Variants in CLMP observed in about 807,000 individuals in gnomAD.
The protein encoded by CLMP is CXADR-like membrane protein.
CLMP carries 27 observed loss-of-function variants against 45.2 expected under a neutral mutation model. That is an observed-to-expected ratio of 0.60 (90% CI 0.44 to 0.82). The LOEUF (loss-of-function observed/expected upper bound fraction) is 0.82, where lower values mean the gene tolerates loss of function less well. Ranked by LOEUF, CLMP falls within the 40% of genes least tolerant of loss-of-function variation. The probability of loss-of-function intolerance (pLI) is 0.00; values close to 1 mark genes in which losing one functional copy is unlikely to be tolerated. For missense variants in CLMP, 403 were observed against 448.4 expected (o/e 0.90, Z 0.91); for synonymous variants, 167 against 171.4 (o/e 0.97, Z 0.20).
At chr11:123,183,884 G>A (rs899361660) in intron 1 of CLMP, among the ~76,000 whole-genome samples, 9 of 152,114 alleles carry the variant, frequency 5.9e-5, no homozygotes, top group Admixed American at 5.2e-4. Context: ...CTGGTCATGT[G>A]GGGCAGTAGG....
At chr11:123,164,553 C>T (rs1861532191) in intron 1 of CLMP, among the ~76,000 whole-genome samples, 2 of 151,964 alleles carry the variant, frequency 1.3e-5, no homozygotes, top group Non-Finnish European at 2.9e-5. Context: ...ATTGACCCAT[C>T]TCGGCCTCCC....
chr11:123,102,468 A>G (rs1490745470), intron 1 of CLMP, among the ~76,000 whole-genome samples: 2 of 150,654 alleles, frequency 1.3e-5, no homozygotes, highest in African/African-American at 2.4e-5. Flanking sequence ...TTTAGTAGAG[A>G]CAGGGTTTCA....
intron 1 of CLMP, among the ~76,000 whole-genome samples, chr11:123,194,704 A>G (rs61904439): frequency 6.6e-6 from 1 of 152,178 alleles, no homozygotes; most frequent in East Asian, 1.9e-4. Flanking sequence ...AAGCCTGTTC[A>G]AGGGCCCAGA....
chr11:123,099,694 G>A (rs897864827), intron 1 of CLMP, among the ~76,000 whole-genome samples: 1 of 152,110 alleles, frequency 6.6e-6, no homozygotes, highest in Non-Finnish European at 1.5e-5. Context: ...GAGAGGCGGT[G>A]GGGGGCAGAT....
intron 1 of CLMP, among the ~76,000 whole-genome samples, chr11:123,150,480 A>AAAGAAAGAAAGAAAGAAAGGAAGGAAGG (rs764502298): frequency 2.4e-5 from 1 of 40,974 alleles, no homozygotes; most frequent in Non-Finnish European, 4.7e-5. Context: ...AGAAAGAAAG[A>AAAGAAAGAAAGAAAGAAAGGAAGGAAGG]AAGGAAGGAA....
chr11:123,153,201 A>G (rs1861366429), intron 1 of CLMP, among the ~76,000 whole-genome samples: 1 of 152,212 alleles, frequency 6.6e-6, no homozygotes, highest in Admixed American at 6.5e-5. Flanking sequence ...CAAGCTTGCC[A>G]GTCATCTGGA....
chr11:123,131,976 T>C (rs1485505779), intron 1 of CLMP, among the ~76,000 whole-genome samples: 1 of 152,236 alleles, frequency 6.6e-6, no homozygotes, highest in Non-Finnish European at 1.5e-5. Context: ...TCTTTTCACA[T>C]GGCTCTCATA....
intron 1 of CLMP, among the ~76,000 whole-genome samples, chr11:123,155,460 AC>A (rs1225580989): frequency 2.0e-5 from 3 of 151,544 alleles, no homozygotes; most frequent in Non-Finnish European, 4.4e-5. Context: ...GCTAGTTGCG[AC>A]ACAGTAAATT....
intron 1 of CLMP, among the ~76,000 whole-genome samples, chr11:123,150,479 G>GAAAGAAAGAAAGAAAGAAAGAAAGAA (rs1555084536): frequency 6.8e-4 from 72 of 106,592 alleles, no homozygotes; most frequent in Middle Eastern, 4.5e-3. Flanking sequence ...AAGAAAGAAA[G>GAAAGAAAGAAAGAAAGAAAGAAAGAA]AAAGGAAGGA....
At chr11:123,155,379 G>A (rs978865237) in intron 1 of CLMP, among the ~76,000 whole-genome samples, 1 of 152,254 alleles carries the variant, frequency 6.6e-6, no homozygotes, top group African/African-American at 2.4e-5. Context: ...GGCAAGTGCT[G>A]AAGGTGGGAA....
rs148137821 is a variant in CLMP at position 123,088,904 on chromosome 11, G to A, written c.187-4191C>T. ...TTCCCAAAGTGCTGGGATTCCAGGC[G>A]TGAGCCATGGCGCCCAGCTGCTTGT... On this transcript the variant is annotated intron_variant, in intron 2 of 6. Transcript: ENST00000448775. Among the ~76,000 whole-genome samples, 154 of 152,306 alleles carry A rather than the reference G, an allele frequency of 1.0e-3. 1 individual carries two copies. Among genetic ancestry groups the A allele is most frequent in the African/African-American group, 3.4e-3 (143 of 41,570 alleles).
intron 1 of CLMP, among the ~76,000 whole-genome samples, chr11:123,098,693 C>T (rs908073082): frequency 2.0e-5 from 3 of 148,290 alleles, no homozygotes; most frequent in Non-Finnish European, 4.4e-5. Flanking sequence ...ATGCCACCAT[C>T]CTGGCTAATT....
intron 1 of CLMP, among the ~76,000 whole-genome samples, chr11:123,160,627 C>A (rs978133002): frequency 1.1e-4 from 16 of 152,150 alleles, no homozygotes; most frequent in African/African-American, 3.9e-4. Flanking sequence ...TATTTCCATT[C>A]TCTTCCTTTT....
rs1250356399 is a variant in CLMP at position 123,074,716 on chromosome 11, T to G, written c.807A>C (p.Arg269Ser). Residue 269 changes from arginine (R) to serine (S), a missense_variant, in exon 6 of 7, where the codon AGA becomes AGC. Physicochemically the swap from Arg to Ser is moderately radical, Grantham distance 110 (BLOSUM62 -1). Coordinates refer to ENST00000448775, the MANE Select transcript of CLMP (RefSeq NM_024769.5). Reference protein sequence around the residue: ...KDKERYEEEERPNEIREDAEA... With the variant: ...KDKERYEEEESPNEIREDAEA... The stretch of plus-strand genomic sequence containing the variant: ...GGGAGGTTTACCGAATTTCATTAGG[T>G]CTCTCTTCTTCCTCATATCTTTCTT... The G allele has an allele frequency of 1.9e-6, 3 of 1,613,882 alleles. No individual in the cohort carries two copies. The highest frequency in any genetic ancestry group is 2.5e-6 in the Non-Finnish European group (3 of 1,179,992).
At chr11:123,146,041 G>A (rs189185332) in intron 1 of CLMP, among the ~76,000 whole-genome samples, 89 of 152,344 alleles carry the variant, frequency 5.8e-4, no homozygotes, top group African/African-American at 2.0e-3. Flanking sequence ...GGCCAGCTGT[G>A]TGCACCATGG....
chr11:123,149,790 C>CCTTTCTTTCTTTCTTTCTTTGTTT, intron 1 of CLMP, among the ~76,000 whole-genome samples: 1 of 149,786 alleles, frequency 6.7e-6, no homozygotes, highest in Non-Finnish European at 1.5e-5. Flanking sequence ...TTTCTTTCTT[C>CCTTTCTTTCTTTCTTTCTTTGTTT]CTTTCTTTCT....
At chr11:123,117,020 G>A (rs1424675247) in intron 1 of CLMP, among the ~76,000 whole-genome samples, 1 of 152,070 alleles carries the variant, frequency 6.6e-6, no homozygotes, top group African/African-American at 2.4e-5. Flanking sequence ...AGGCCAAGGC[G>A]AGTGGATCAC....
chr11:123,078,456 C>CT (rs954643569), intron 5 of CLMP, among the ~76,000 whole-genome samples: 6 of 151,576 alleles, frequency 4.0e-5, no homozygotes, highest in East Asian at 1.9e-4. Flanking sequence ...GAAACAGGTT[C>CT]TTTTTTTTGA....
At chr11:123,094,552 A>C (rs746556824) in intron 2 of CLMP, among the ~76,000 whole-genome samples, 1 of 152,228 alleles carries the variant, frequency 6.6e-6, no homozygotes, top group Non-Finnish European at 1.5e-5. Context: ...TATCAGTATT[A>C]CATTAACAAA....
Sources: allele counts gnomAD v4.1 joint callset (sites outside exome capture counted in the v4.1 genomes callset), GRCh38; gene constraint gnomAD v4.1.1; transcripts MANE v1.5; gene names NCBI Gene and HGNC (gene_info 2026-07-23, HGNC 2026-07-21).